The following POFUT2 variants were observed in gnomAD, a reference collection of about 807,000 sequenced individuals.
POFUT2 encodes protein O-fucosyltransferase 2.
POFUT2 carries 30 observed loss-of-function variants against 55.0 expected under a neutral mutation model. The ratio of observed to expected loss-of-function variants is 0.55; its 90% CI spans 0.41 to 0.74. The LOEUF (loss-of-function observed/expected upper bound fraction) is 0.74. Among genes scored for constraint, POFUT2 ranks in the 30% least tolerant of loss-of-function variants. The pLI is 0.00. For synonymous variants in POFUT2, 267 were observed against 231.1 expected, an observed-to-expected ratio of 1.16 and a Z score of -1.41; for missense variants, 524 against 562.6, an observed-to-expected ratio of 0.93 and a Z score of 0.69.
intron 4 of POFUT2, among the ~76,000 whole-genome samples, chr21:45,278,434 A>C (rs1272200054): frequency 6.6e-6 from 1 of 152,202 alleles, no homozygotes; most frequent in Non-Finnish European, 1.5e-5. Context: ...TAATTTGAGG[A>C]GTGTATTTGA....
At chr21:45,287,562 C>T (rs1602248561) in intron 1 of POFUT2, among the ~76,000 whole-genome samples, 179 bp downstream of exon 1, 2 of 127,358 alleles carry the variant, frequency 1.6e-5, no homozygotes, top group East Asian at 4.5e-4. Context: ...TCCCCCTGGC[C>T]CCTGCCCCAT....
intron 6 of POFUT2, among the ~76,000 whole-genome samples, chr21:45,276,159 G>A (rs564988974): frequency 3.3e-5 from 5 of 151,804 alleles, no homozygotes; most frequent in African/African-American, 4.8e-5. Context: ...ACTGCACTCC[G>A]GCCTGGGCGA....
intron 8 of POFUT2, chr21:45,266,011 T>G: frequency 8.3e-7 from 1 of 1,206,894 alleles, no homozygotes; most frequent in Non-Finnish European, 1.1e-6. Context: ...CAATGAGAGA[T>G]TCCTACTAAC....
intron 6 of POFUT2, among the ~76,000 whole-genome samples, chr21:45,272,667 C>G (rs1259923452): frequency 6.6e-6 from 1 of 152,160 alleles, no homozygotes; most frequent in Non-Finnish European, 1.5e-5. Context: ...AAACAAGCCT[C>G]AATAAATTTA....
intron 1 of POFUT2, 64 bp downstream of exon 1, chr21:45,287,677 A>AAACCCAACAC: frequency 4.1e-6 from 1 of 244,856 alleles, no homozygotes. Flanking sequence ...CCCCGCCCCC[A>AAACCCAACAC]TCCCATCCTC....
chr21:45,283,227 T>TGGC (rs1188055472), intron 3 of POFUT2, 156 bp downstream of exon 3: 3 of 375,798 alleles, frequency 8.0e-6, no homozygotes, highest in Non-Finnish European at 1.4e-5. Context: ...GAAGACACCG[T>TGGC]GGCGGGGGGA....
rs985782045 is a variant in POFUT2 at position 45,266,851 on chromosome 21, C to T, written c.1136+739G>A. 20 of 1,006,266 alleles carry T rather than the reference C, an allele frequency of 2.0e-5. No individual in the cohort carries two copies. In the Admixed American group the frequency reaches 6.8e-4, roughly 34 times the overall value. The allele number at this position is 1,006,266 out of a possible 1,614,324, so 62.3% of individuals were successfully genotyped here. On this transcript the variant is annotated intron_variant, in intron 8 of 8. Transcript: ENST00000349485. ...AGTGCTAACCACGGGGAAGATCATT[C>T]CCTCTACTTTCATTTTCCATTTAAC...
intron 4 of POFUT2, among the ~76,000 whole-genome samples, chr21:45,279,814 C>T (rs1443445426): frequency 6.6e-6 from 1 of 152,208 alleles, no homozygotes; most frequent in East Asian, 1.9e-4. Context: ...GAGGTGATGT[C>T]CATGTGTCGT....
At chr21:45,273,087 T>C (rs1385892832) in intron 6 of POFUT2, among the ~76,000 whole-genome samples, 1 of 150,588 alleles carries the variant, frequency 6.6e-6, no homozygotes, top group Non-Finnish European at 1.5e-5. Flanking sequence ...AATACAAAAG[T>C]TAAATGAAAC....
intron 7 of POFUT2, among the ~76,000 whole-genome samples, chr21:45,268,787 C>T (rs2093184623): frequency 6.6e-6 from 1 of 150,684 alleles, no homozygotes; most frequent in Admixed American, 6.6e-5. Flanking sequence ...CTCCGCCCGG[C>T]AGCCACCCCG....
At position 45,269,614 on chromosome 21, in the gene POFUT2, A is replaced by C. The variant is rs929155204; in HGVS notation, c.1012+225T>G. Among the ~76,000 whole-genome samples the C allele has an allele frequency of 4.8e-3, 735 of 151,830 alleles. 4 individuals carry two copies. The highest frequency in any genetic ancestry group is 0.016 in the African/African-American group (667 of 41,240). On this transcript the variant is annotated intron_variant, in intron 7 of 8. Transcript: ENST00000349485. ...GCATGCTCGTTAAGAGTCATCACCAATCCCTAATCTCAAGTAATCAGGGAC... is the reference window on the plus strand; with the variant it reads ...GCATGCTCGTTAAGAGTCATCACCACTCCCTAATCTCAAGTAATCAGGGAC...
At chr21:45,286,965 C>T (rs1055788301) in intron 1 of POFUT2, among the ~76,000 whole-genome samples, 1 of 152,196 alleles carries the variant, frequency 6.6e-6, no homozygotes. Flanking sequence ...CGGCTCCGCA[C>T]ACCCAGGCCT....
Position 45,265,032 on chromosome 21 carries a change from C to T in POFUT2, c.*450G>A, listed in dbSNP as rs775205543. On this transcript the variant is annotated 3_prime_UTR_variant, in exon 9 of 9. Transcript: ENST00000349485. This position sits in a 1 kb window ranked among gnomAD's most constrained non-coding sequence, Gnocchi z 4.6. ...GTCGCTCTGCAGACATTTAAAATGA[C>T]GCTTCTCCTTGCACCAGCTCCCAGG... 11 of 154,994 alleles carry T rather than the reference C, an allele frequency of 7.1e-5. No individual in the cohort carries two copies. Among genetic ancestry groups the T allele is most frequent in the Admixed American group, 3.2e-4 (5 of 15,496 alleles). The allele number at this position is 154,994 out of a possible 1,614,324, so 9.6% of individuals were successfully genotyped here.
intron 2 of POFUT2, among the ~76,000 whole-genome samples, chr21:45,283,770 C>A (rs1273954668): frequency 1.3e-5 from 2 of 152,172 alleles, no homozygotes; most frequent in African/African-American, 4.8e-5. Flanking sequence ...CCGGCCCTAC[C>A]CCTGCCTGGC....
In POFUT2 at chr21:45,282,808, C is replaced by T. The variant is rs1000719586; in HGVS notation, c.528-349G>A. ...GCGCCCTTCCCAAGAGCTCACCTGC[C>T]ATGCTTTAGAGCCAGCTGCCCTGGC... On this transcript the variant is annotated intron_variant, in intron 3 of 8. Coordinates refer to ENST00000349485, the MANE Select transcript of POFUT2 (RefSeq NM_133635.6). The surrounding 1 kb of genome is among the most constrained non-coding windows in gnomAD (Gnocchi z 4.6). 1.0e-5 allele frequency: 5 copies of T among 493,468 alleles called. No individual in the cohort carries two copies. Among genetic ancestry groups the T allele is most frequent in the Admixed American group, 9.3e-5 (4 of 43,180 alleles). The allele number at this position is 493,468 out of a possible 1,614,324, so 30.6% of individuals were successfully genotyped here.
At chr21:45,280,677 G>A (rs1041611353) in intron 4 of POFUT2, among the ~76,000 whole-genome samples, 2 of 147,806 alleles carry the variant, frequency 1.4e-5, no homozygotes, top group Non-Finnish European at 3.1e-5. Context: ...CAGGCTGCCC[G>A]TCCCTCACTC....
chr21:45,265,430 C>A lies in POFUT2; in HGVS notation c.*52G>T, dbSNP rs1276423358. ...GACGGTGACTCCACGGCGACAGAAC[C>A]TGCATCCACCCGCGCCTGTCGGGTC... On this transcript the variant is annotated 3_prime_UTR_variant, in exon 9 of 9. Coordinates refer to ENST00000349485, the MANE Select transcript of POFUT2 (RefSeq NM_133635.6). This position sits in a 1 kb window ranked among gnomAD's most constrained non-coding sequence, Gnocchi z 4.6. 1 of 1,513,980 alleles carries A rather than the reference C, an allele frequency of 6.6e-7. No individual in the cohort carries two copies. The highest frequency in any genetic ancestry group is 2.0e-5 in the Admixed American group (1 of 51,240). The allele number at this position is 1,513,980 out of a possible 1,614,324, so 93.8% of individuals were successfully genotyped here. A position where few individuals can be genotyped will look rare whatever the true frequency, so the allele number is the denominator to read the frequency against.
At chr21:45,286,287 T>G (rs1426681091) in intron 1 of POFUT2, among the ~76,000 whole-genome samples, 1 of 152,220 alleles carries the variant, frequency 6.6e-6, no homozygotes, top group Non-Finnish European at 1.5e-5. Context: ...CTATGTCTAT[T>G]GATACGTCCT....
At chr21:45,269,057 T>C (rs375563039) in intron 7 of POFUT2, among the ~76,000 whole-genome samples, 3,333 of 55,994 alleles carry the variant, frequency 0.06, 22 homozygotes, top group African/African-American at 0.093. Flanking sequence ...GCCCCCCGCC[T>C]GGCCAGCCGC....
Sources: allele counts gnomAD v4.1 joint callset (sites outside exome capture counted in the v4.1 genomes callset), GRCh38; gene constraint gnomAD v4.1.1; non-coding constraint Gnocchi (gnomAD v3.1); transcripts MANE v1.5; gene names NCBI Gene and HGNC (gene_info 2026-07-23, HGNC 2026-07-21).